The following NELL1 variants were observed in gnomAD, a reference collection of about 807,000 sequenced individuals.
NELL1 encodes neural EGFL like 1, also known as protein kinase C-binding protein NELL1.
A neutral mutation model predicts 107.4 loss-of-function variants in NELL1; 76 were observed. The ratio of observed to expected loss-of-function variants is 0.71; its 90% CI spans 0.59 to 0.86. The LOEUF (loss-of-function observed/expected upper bound fraction) is 0.86. Ranked by LOEUF, NELL1 falls within the 40% of genes least tolerant of loss-of-function variation. The pLI is 0.00. For missense variants in NELL1, 1,024 were observed against 1,005.5 expected, an observed-to-expected ratio of 1.02 and a Z score of -0.25; for synonymous variants, 353 against 341.2, an observed-to-expected ratio of 1.03 and a Z score of -0.38.
chr11:21,070,921 C>A (rs1020626421), intron 12 of NELL1, among the ~76,000 whole-genome samples: 1 of 152,122 alleles, frequency 6.6e-6, no homozygotes, highest in African/African-American at 2.4e-5. Context: ...ATTCTGACAA[C>A]AGGGAGCACT....
At chr11:21,265,167 C>T (rs370667118) in intron 14 of NELL1, among the ~76,000 whole-genome samples, 5 of 151,932 alleles carry the variant, frequency 3.3e-5, no homozygotes, top group East Asian at 1.9e-4. Flanking sequence ...ACATCACTTT[C>T]GTGAGTAGAC....
chr11:20,733,849 A>G (rs909101161), intron 2 of NELL1, among the ~76,000 whole-genome samples: 2 of 152,234 alleles, frequency 1.3e-5, no homozygotes, highest in Non-Finnish European at 2.9e-5. Context: ...CTATAACAAG[A>G]AAAGGGACAG....
chr11:21,113,523 CA>C, intron 12 of NELL1, 65 bp from the exon 13 acceptor site: 1 of 1,477,716 alleles, frequency 6.8e-7, no homozygotes, highest in Non-Finnish European at 9.3e-7. Context: ...AATTTATCTG[CA>C]AAATGATTAC....
chr11:21,571,860 C>G (rs369715344), intron 18 of NELL1, among the ~76,000 whole-genome samples: 9 of 151,878 alleles, frequency 5.9e-5, no homozygotes, highest in East Asian at 3.9e-4. Context: ...GTAATGGAAA[C>G]TATTAGCTGT....
At chr11:21,538,262 GGAT>G (rs1381806327) in intron 16 of NELL1, among the ~76,000 whole-genome samples, 2 of 152,098 alleles carry the variant, frequency 1.3e-5, no homozygotes, top group East Asian at 1.9e-4. Context: ...TGTCAGATGA[GGAT>G]AATAGCACCT....
chr11:21,441,758 T>C (rs1396435266), intron 15 of NELL1, among the ~76,000 whole-genome samples: 1 of 152,184 alleles, frequency 6.6e-6, no homozygotes, highest in Non-Finnish European at 1.5e-5. Context: ...CTGACATCAG[T>C]AGGTAGTATA....
chr11:21,030,357 G>A (rs570786016), intron 12 of NELL1, among the ~76,000 whole-genome samples: 24 of 152,256 alleles, frequency 1.6e-4, no homozygotes, highest in South Asian at 6.2e-4. Context: ...CCTTTTAGTC[G>A]TACAGACAGC....
At chr11:21,409,577 A>G (rs1852324881) in intron 15 of NELL1, among the ~76,000 whole-genome samples, 1 of 151,952 alleles carries the variant, frequency 6.6e-6, no homozygotes, top group Admixed American at 6.6e-5. Flanking sequence ...AACTTAAAGT[A>G]TAATAATAAT....
At position 21,570,914 on chromosome 11, in the gene NELL1, C is replaced by T. The variant is rs780624014; in HGVS notation, c.2131C>T (p.His711Tyr). 2 of 1,611,506 alleles carry T rather than the reference C, an allele frequency of 1.2e-6. No homozygotes were observed. The highest frequency in any genetic ancestry group is 1.7e-5 in the Admixed American group (1 of 59,866). Reference sequence around the variant, plus strand: ...GTATCGAAGTGGAGACAATTGGACCCATAGCTGTCAGCAGTGTCGGTGTCT... The same window carrying T: ...GTATCGAAGTGGAGACAATTGGACCTATAGCTGTCAGCAGTGTCGGTGTCT... The part of the protein sequence containing the change: ...KLYRSGDNWT[H>Y]SCQQCRCLEG... Residue 711 changes from histidine (H) to tyrosine (Y), a missense_variant, in exon 18 of 20, where the codon CAT (histidine) becomes TAT (tyrosine). By Grantham distance (83) the His-to-Tyr change is moderately conservative. Transcript: ENST00000357134.
chr11:21,219,024 AC>A (rs1354898671), intron 13 of NELL1, among the ~76,000 whole-genome samples: 3 of 152,184 alleles, frequency 2.0e-5, no homozygotes, highest in African/African-American at 7.2e-5. Context: ...GCTGGATCAC[AC>A]AGTGGTTCTA....
intron 14 of NELL1, among the ~76,000 whole-genome samples, chr11:21,297,988 A>G (rs1218375607): frequency 6.6e-6 from 1 of 151,962 alleles, no homozygotes; most frequent in African/African-American, 2.4e-5. Flanking sequence ...ATTGCTTGAC[A>G]TGCAAACCTT....
At chr11:20,837,596 A>C (rs1215234130) in intron 3 of NELL1, among the ~76,000 whole-genome samples, 1 of 152,090 alleles carries the variant, frequency 6.6e-6, no homozygotes, top group Non-Finnish European at 1.5e-5. Context: ...GGGTCAGGAA[A>C]TATATAAGAT....
chr11:21,301,505 G>A (rs1251867164), intron 14 of NELL1, among the ~76,000 whole-genome samples: 1 of 152,134 alleles, frequency 6.6e-6, no homozygotes, highest in Non-Finnish European at 1.5e-5. Context: ...GTGATGATGA[G>A]CATTTTTTCA....
At chr11:21,169,584 A>G (rs4475918) in intron 13 of NELL1, among the ~76,000 whole-genome samples, 97,041 of 151,732 alleles carry the variant, frequency 0.64, 31,463 homozygotes, top group Admixed American at 0.74. Flanking sequence ...TTCTATGATG[A>G]GCTATGCTAA....
chr11:20,755,556 G>GTTTTTTTTTTTTTTTTTTTTTTTTT (rs1188989442), intron 2 of NELL1, among the ~76,000 whole-genome samples: 1 of 23,370 alleles, frequency 4.3e-5, no homozygotes, highest in African/African-American at 8.4e-5. Flanking sequence ...TTTTGTTTTT[G>GTTTTTTTTTTTTTTTTTTTTTTTTT]TTTTTGTTTT....
At chr11:20,851,428 G>A (rs1848793582) in intron 4 of NELL1, among the ~76,000 whole-genome samples, 1 of 152,134 alleles carries the variant, frequency 6.6e-6, no homozygotes, top group Non-Finnish European at 1.5e-5. Context: ...ATTCAGTTGG[G>A]TGGGGAGACT....
At chr11:20,727,866 T>C (rs576625932) in intron 2 of NELL1, among the ~76,000 whole-genome samples, 99 of 152,320 alleles carry the variant, frequency 6.5e-4, no homozygotes, top group Non-Finnish European at 1.2e-3. Flanking sequence ...TTAAATTCTT[T>C]GAGAAATCTC....
chr11:21,264,998 CT>C (rs1848608731), intron 14 of NELL1, among the ~76,000 whole-genome samples: 1 of 151,892 alleles, frequency 6.6e-6, no homozygotes, highest in Non-Finnish European at 1.5e-5. Flanking sequence ...TAGTAAAGGC[CT>C]TAGGTAATAG....
chr11:21,347,889 T>C (rs1014104700), intron 14 of NELL1, among the ~76,000 whole-genome samples: 3 of 152,188 alleles, frequency 2.0e-5, no homozygotes, highest in South Asian at 2.1e-4. Flanking sequence ...AGGGACCAAA[T>C]TGTGTCCAGA....
Sources: gnomAD v4.1 joint callset for allele counts (sites outside exome capture counted in the v4.1 genomes callset) on GRCh38, gnomAD v4.1.1 for gene constraint, MANE v1.5 for transcripts, NCBI Gene and HGNC (gene_info 2026-07-23, HGNC 2026-07-21) for gene names.